The following SPECC1 variants were observed in gnomAD, a reference collection of about 807,000 sequenced individuals.
The protein encoded by SPECC1 is cytospin-B.
SPECC1 carries 62 observed loss-of-function variants against 104.1 expected under a neutral mutation model. The observed-to-expected ratio is 0.60, with a 90% CI of 0.49 to 0.74. The LOEUF (loss-of-function observed/expected upper bound fraction) is 0.74, where lower values mean the gene tolerates loss of function less well. Among genes scored for constraint, SPECC1 ranks in the 30% least tolerant of loss-of-function variants. The pLI is 0.00. For synonymous variants in SPECC1, 513 were observed against 501.6 expected, an observed-to-expected ratio of 1.02 and a Z score of -0.30; for missense variants, 1,306 against 1,310.5, an observed-to-expected ratio of 1.00 and a Z score of 0.05.
Position 20,268,422 on chromosome 17 carries a change from C to T in SPECC1, c.2940+8128C>T, listed in dbSNP as rs117888607. 5.8e-3 allele frequency among the ~76,000 whole-genome samples: 880 copies of T among 152,366 alleles called. 22 individuals carry two copies. The East Asian group carries it at 0.074, about 13-fold the overall frequency. ...TCCCACAAACAAGCACTAAAATCTG[C>T]TTAGCCAATAGCAAGCAGCCTCTAA... On this transcript the variant is annotated intron_variant, in intron 12 of 14. Coordinates refer to ENST00000395527, the MANE Select transcript of SPECC1 (RefSeq NM_001243439.2).
chr17:20,038,709 TTTAG>T (rs1446968947), intron 1 of SPECC1, among the ~76,000 whole-genome samples: 2 of 152,236 alleles, frequency 1.3e-5, no homozygotes, highest in African/African-American at 4.8e-5. Context: ...CATATTCATT[TTTAG>T]TCAGTTTATT....
intron 2 of SPECC1, among the ~76,000 whole-genome samples, chr17:20,104,752 A>AG (rs1408885166): frequency 5.3e-5 from 8 of 150,430 alleles, no homozygotes; most frequent in African/African-American, 2.0e-4. Context: ...AAAAAAAAAA[A>AG]AAAAAAAAAA....
At chr17:20,285,480 C>T (rs2151687115) in intron 12 of SPECC1, among the ~76,000 whole-genome samples, 1 of 152,112 alleles carries the variant, frequency 6.6e-6, no homozygotes, top group Admixed American at 6.5e-5. Flanking sequence ...GACTGTTACC[C>T]TTTTATTAAA....
intron 1 of SPECC1, among the ~76,000 whole-genome samples, chr17:20,087,728 ATCAC>A (rs2047230234): frequency 6.6e-6 from 1 of 152,234 alleles, no homozygotes; most frequent in Non-Finnish European, 1.5e-5. Context: ...AGGCCCTGCT[ATCAC>A]GGACCTTCCC....
chr17:20,294,850 C>A (rs1244651987), intron 12 of SPECC1, among the ~76,000 whole-genome samples: 1 of 151,990 alleles, frequency 6.6e-6, no homozygotes, highest in Non-Finnish European at 1.5e-5. Flanking sequence ...GGACAGAAAT[C>A]CTCTACTGTT....
intron 4 of SPECC1, among the ~76,000 whole-genome samples, chr17:20,209,170 C>T (rs891162788): frequency 6.6e-6 from 1 of 152,172 alleles, no homozygotes; most frequent in Admixed American, 6.5e-5. Context: ...AGTGGTTTCA[C>T]TTGACTTTTT....
At chr17:20,194,668 G>A (rs1008296942) in intron 3 of SPECC1, among the ~76,000 whole-genome samples, 3 of 151,606 alleles carry the variant, frequency 2.0e-5, no homozygotes, top group African/African-American at 7.3e-5. Flanking sequence ...ACCACGCCTA[G>A]CTACTTTTTT....
intron 12 of SPECC1, among the ~76,000 whole-genome samples, chr17:20,270,262 T>C (rs971873773): frequency 6.6e-6 from 1 of 151,626 alleles, no homozygotes; most frequent in Non-Finnish European, 1.5e-5. Context: ...TTTAAAATGG[T>C]GAAAGTGATA....
At chr17:20,151,974 G>C (rs1342175997) in intron 3 of SPECC1, among the ~76,000 whole-genome samples, 1 of 147,978 alleles carries the variant, frequency 6.8e-6, no homozygotes, top group Admixed American at 6.8e-5. Flanking sequence ...GCTTGAACCC[G>C]GGAGGCTCTT....
intron 7 of SPECC1, among the ~76,000 whole-genome samples, chr17:20,240,313 ATTGT>A (rs1199152014): frequency 2.0e-5 from 3 of 151,210 alleles, no homozygotes; most frequent in Non-Finnish European, 4.4e-5. Flanking sequence ...CACTGAGCTG[ATTGT>A]TTTTTTCTCA....
At chr17:20,089,758 GT>G (rs1329049788) in intron 1 of SPECC1, among the ~76,000 whole-genome samples, 3 of 152,218 alleles carry the variant, frequency 2.0e-5, no homozygotes, top group Non-Finnish European at 2.9e-5. Context: ...ATGCCAATCT[GT>G]GCTGGAGAAA....
At chr17:20,125,179 CA>C (rs920419644) in intron 3 of SPECC1, among the ~76,000 whole-genome samples, 5 of 136,066 alleles carry the variant, frequency 3.7e-5, no homozygotes, top group Non-Finnish European at 8.0e-5. Flanking sequence ...GACTCCATCT[CA>C]AAAAACAAAA....
In SPECC1 at chr17:20,306,214, TAG is replaced by T. The variant is rs563827437; in HGVS notation, c.3117+135_3117+136del. On this transcript the variant is annotated intron_variant, in intron 14 of 14. Coordinates refer to ENST00000395527, the MANE Select transcript of SPECC1 (RefSeq NM_001243439.2). ...AGTCTGTTGCTCTCAATACCTAATATAGAGTTATCCAGTTGATATAATCACAT... is the reference window on the plus strand; with the variant it reads ...AGTCTGTTGCTCTCAATACCTAATATAGTTATCCAGTTGATATAATCACAT... 7.3e-5 allele frequency: 53 copies of T among 723,114 alleles called. No homozygotes were observed. In the African/African-American group the frequency reaches 8.8e-4, roughly 12 times the overall value. The allele number at this position is 723,114 out of a possible 1,614,324, so 44.8% of individuals were successfully genotyped here.
intron 3 of SPECC1, among the ~76,000 whole-genome samples, chr17:20,183,048 CAAATA>C (rs1170659228): frequency 6.6e-6 from 1 of 152,078 alleles, no homozygotes; most frequent in Non-Finnish European, 1.5e-5. Flanking sequence ...CGCTTGTAAA[CAAATA>C]AAAGTAAATG....
chr17:20,135,323 T>G (rs532640809), intron 3 of SPECC1, among the ~76,000 whole-genome samples: 1 of 152,366 alleles, frequency 6.6e-6, no homozygotes, highest in South Asian at 2.1e-4. Context: ...TGGGATTTTG[T>G]CAGTGCTGTT....
chr17:20,145,822 A>G (rs1306939693), intron 3 of SPECC1, among the ~76,000 whole-genome samples: 3 of 152,248 alleles, frequency 2.0e-5, no homozygotes, highest in Non-Finnish European at 4.4e-5. Context: ...GCTGATAGGT[A>G]GTCCACAGAG....
intron 1 of SPECC1, among the ~76,000 whole-genome samples, chr17:20,013,156 C>T (rs1268883151): frequency 2.0e-5 from 3 of 152,166 alleles, no homozygotes; most frequent in Non-Finnish European, 4.4e-5. Context: ...ATAATGCTGC[C>T]ATGATCATGG....
chr17:20,093,805 A>G (rs2047520179), intron 1 of SPECC1, among the ~76,000 whole-genome samples: 1 of 147,984 alleles, frequency 6.8e-6, no homozygotes, highest in Non-Finnish European at 1.5e-5. Flanking sequence ...ATCTTGGTTC[A>G]CTACAACCTC....
intron 13 of SPECC1, among the ~76,000 whole-genome samples, chr17:20,302,561 T>TA (rs1173042620): frequency 1.4e-4 from 21 of 151,834 alleles, no homozygotes; most frequent in African/African-American, 4.6e-4. Context: ...CTGTTGTGAA[T>TA]AAAAAACCAC....
Sources: gnomAD v4.1 joint callset for allele counts (sites outside exome capture counted in the v4.1 genomes callset) on GRCh38, gnomAD v4.1.1 for gene constraint, MANE v1.5 for transcripts, NCBI Gene and HGNC (gene_info 2026-07-23, HGNC 2026-07-21) for gene names.